LRRC37A: variants seen among roughly 807,000 people sequenced by gnomAD.
The protein encoded by LRRC37A is leucine rich repeat containing 37A.
LRRC37A carries 3 observed loss-of-function variants against 35.4 expected under a neutral mutation model. That is an observed-to-expected ratio of 0.08 (90% CI 0.04 to 0.22). The LOEUF is 0.22. LRRC37A is among the 10% of genes least tolerant of loss of function. The probability of loss-of-function intolerance (pLI) is 1.00; values close to 1 mark genes in which losing one functional copy is unlikely to be tolerated. For synonymous variants in LRRC37A, 23 were observed against 215.0 expected (o/e 0.11, Z 7.81); for missense variants, 67 against 565.3 (o/e 0.12, Z 8.94).
intron 5 of LRRC37A, among the ~76,000 whole-genome samples, chr17:46,321,409 G>A (rs2051368564): frequency 2.6e-5 from 1 of 39,136 alleles, no homozygotes; most frequent in Non-Finnish European, 3.9e-5. Flanking sequence ...AGCGCTCATA[G>A]TCCAGGAGCC....
chr17:46,332,636 A>G (rs2052043242), exon 10 of LRRC37A: 2 of 1,187,806 alleles, frequency 1.7e-6, no homozygotes, highest in Non-Finnish European at 1.2e-6. Context: ...GATTTTGATT[A>G]TACTTTTCTG....
At chr17:46,291,850 A>G (rs918590543), upstream of LRRC37A, among the ~76,000 whole-genome samples, 15 of 151,952 alleles carry the variant, frequency 9.9e-5, no homozygotes, top group African/African-American at 3.6e-4. Flanking sequence ...AGTCCCAGAT[A>G]CTTGGGAACC....
the LRRC37A span, among the ~76,000 whole-genome samples, chr17:46,256,600 T>A: frequency 6.6e-6 from 1 of 152,340 alleles, no homozygotes; most frequent in South Asian, 2.1e-4. Flanking sequence ...AGCCACCCAG[T>A]ATGTAATACT....
the LRRC37A span, among the ~76,000 whole-genome samples, chr17:46,273,112 AT>A: frequency 6.6e-6 from 1 of 152,276 alleles, no homozygotes; most frequent in African/African-American, 2.4e-5. Context: ...GCTGCAACAA[AT>A]TTTAAATGAT....
the LRRC37A span, among the ~76,000 whole-genome samples, chr17:46,257,668 A>AC: frequency 2.1e-5 from 3 of 144,620 alleles, no homozygotes; most frequent in Non-Finnish European, 3.1e-5. Context: ...AAAAAAAAAA[A>AC]CACCAAAGTC....
chr17:46,325,459 A>G lies in LRRC37A; in HGVS notation c.3053+2432A>G, dbSNP rs1260909636. ...TCATGTGTATTGAAAAATTATTCTC[A>G]AGTATACCTCAGGTCATTTACAGTC... On this transcript the variant is annotated intron_variant, in intron 7 of 13. Coordinates refer to ENST00000320254, the Ensembl canonical transcript of LRRC37A. Among the ~76,000 whole-genome samples the G allele has an allele frequency of 1.0e-4, 8 of 78,746 alleles. 3 individuals are homozygous for G. Among genetic ancestry groups the G allele is most frequent in the African/African-American group, 2.6e-4 (8 of 30,870 alleles). The allele number at this position is 78,746 out of a possible 152,430, so 51.7% of individuals were successfully genotyped here.
At chr17:46,249,617 G>C in the LRRC37A span, among the ~76,000 whole-genome samples, 23 of 152,220 alleles carry the variant, frequency 1.5e-4, no homozygotes, top group African/African-American at 5.5e-4. Context: ...CCTAAGCAAA[G>C]CACATTAAAA....
chr17:46,260,474 C>G, the LRRC37A span: 3 of 1,588,664 alleles, frequency 1.9e-6, no homozygotes, highest in Non-Finnish European at 2.6e-6. Flanking sequence ...GCTGCCCACC[C>G]AGCCTGGGGG....
the LRRC37A span, among the ~76,000 whole-genome samples, chr17:46,285,476 A>G: frequency 7.2e-5 from 11 of 151,990 alleles, no homozygotes; most frequent in African/African-American, 2.7e-4. Context: ...TCCTGACCTC[A>G]TGATTTGCCC....
At chr17:46,288,438 A>G (rs2469919), upstream of LRRC37A, among the ~76,000 whole-genome samples, 18,437 of 150,228 alleles carry the variant, frequency 0.12, 3 homozygotes, top group Non-Finnish European at 0.18. Flanking sequence ...CTTCCCAAGT[A>G]GCTGGGATTA....
At chr17:46,248,708 C>T in the LRRC37A span, among the ~76,000 whole-genome samples, 3 of 152,054 alleles carry the variant, frequency 2.0e-5, no homozygotes, top group South Asian at 2.1e-4. Context: ...TTAGTAGAGA[C>T]GAGGTTTCAC....
the LRRC37A span, among the ~76,000 whole-genome samples, chr17:46,278,447 C>T: frequency 6.6e-6 from 1 of 151,560 alleles, no homozygotes; most frequent in Admixed American, 6.6e-5. Context: ...CTCTGTCACC[C>T]AGGCTAGAGT....
chr17:46,264,207 G>C, the LRRC37A span, among the ~76,000 whole-genome samples: 1 of 146,184 alleles, frequency 6.8e-6, no homozygotes, highest in Non-Finnish European at 1.5e-5. Context: ...CAAGTGATCC[G>C]CTTCCCTCAG....
At chr17:46,265,860 G>T in the LRRC37A span, among the ~76,000 whole-genome samples, 2 of 152,238 alleles carry the variant, frequency 1.3e-5, no homozygotes, top group East Asian at 1.9e-4. Flanking sequence ...ACTTTGGAAG[G>T]CCAAGGCGGG....
At chr17:46,289,744 A>T (rs750179755), upstream of LRRC37A, among the ~76,000 whole-genome samples, 507 of 149,872 alleles carry the variant, frequency 3.4e-3, no homozygotes, top group Admixed American at 6.4e-3. Context: ...ATAGTCTCTC[A>T]GAAAAATAAC....
At chr17:46,289,764 G>T (rs543906735), upstream of LRRC37A, among the ~76,000 whole-genome samples, 1 of 151,988 alleles carries the variant, frequency 6.6e-6, no homozygotes, top group Non-Finnish European at 1.5e-5. Context: ...CTTAGCCCAC[G>T]TTTCCTTTAA....
the LRRC37A span, among the ~76,000 whole-genome samples, chr17:46,266,320 A>G: frequency 6.6e-6 from 1 of 152,140 alleles, no homozygotes; most frequent in African/African-American, 2.4e-5. Flanking sequence ...CCCCCACCGC[A>G]GCGCGCAAAC....
chr17:46,255,657 C>T, the LRRC37A span, among the ~76,000 whole-genome samples: 3 of 151,222 alleles, frequency 2.0e-5, no homozygotes, highest in Admixed American at 6.6e-5. Flanking sequence ...TGAGCCACCG[C>T]GCCCGGCCCC....
the LRRC37A span, among the ~76,000 whole-genome samples, chr17:46,262,831 G>C: frequency 4.6e-5 from 7 of 151,578 alleles, no homozygotes; most frequent in Admixed American, 4.0e-4. Flanking sequence ...AAGGAAGGAA[G>C]ATCCTCATTG....
Sources: gnomAD v4.1 joint callset for allele counts (sites outside exome capture counted in the v4.1 genomes callset) on GRCh38, gnomAD v4.1.1 for gene constraint, MANE v1.5 for transcripts, NCBI Gene and HGNC (gene_info 2026-07-23, HGNC 2026-07-21) for gene names.